IGF2R: variants seen among roughly 807,000 people sequenced by gnomAD.
IGF2R encodes the protein insulin like growth factor 2 receptor.
A neutral mutation model predicts 270.6 loss-of-function variants in IGF2R; 91 were observed. The observed-to-expected ratio is 0.34, with a 90% CI of 0.28 to 0.40. The LOEUF is 0.40. Among genes scored for constraint, IGF2R ranks in the 10% least tolerant of loss-of-function variants. The pLI, the probability that IGF2R is intolerant of heterozygous loss-of-function variation, is 1.00. For missense variants in IGF2R, 2,805 were observed against 3,188.3 expected (o/e 0.88, Z 2.90); for synonymous variants, 1,316 against 1,258.9 (o/e 1.05, Z -0.96).
Position 160,084,989 on chromosome 6 carries a change from T to G in IGF2R, c.6069-6T>G. Reference sequence around the variant, plus strand: ...CTTTTACCTGCCCCTTTGTGTCGTTTTCTAGGTACTATATAAATCTGTGCC... The same window carrying G: ...CTTTTACCTGCCCCTTTGTGTCGTTGTCTAGGTACTATATAAATCTGTGCC... On this transcript the variant is annotated splice_polypyrimidine_tract_variant and splice_region_variant and intron_variant, in intron 40 of 47. Coordinates refer to ENST00000356956, the MANE Select transcript of IGF2R (RefSeq NM_000876.4). This position sits in a 1 kb window ranked among gnomAD's most constrained non-coding sequence, Gnocchi z 4.6. 1 of 1,609,824 alleles carries G rather than the reference T, an allele frequency of 6.2e-7. No homozygotes were observed. Among genetic ancestry groups the G allele is most frequent in the Non-Finnish European group, 8.5e-7 (1 of 1,176,474 alleles).
chr6:160,095,327 T>G (rs576402356), intron 44 of IGF2R: 53 of 152,676 alleles, frequency 3.5e-4, no homozygotes, highest in African/African-American at 1.3e-3. Context: ...TGCTGCATGG[T>G]TTATGCCTCA....
At chr6:159,994,818 A>T (rs187462613) in intron 2 of IGF2R, among the ~76,000 whole-genome samples, 1 of 152,238 alleles carries the variant, frequency 6.6e-6, no homozygotes, top group African/African-American at 2.4e-5. Context: ...AGTTGATATG[A>T]TTTCAGTTTT....
At chr6:160,071,829 G>A in intron 31 of IGF2R, 81 bp from the exon 32 acceptor site, 2 of 1,549,342 alleles carry the variant, frequency 1.3e-6, no homozygotes, top group Non-Finnish European at 1.8e-6. Context: ...TTTCAGAGAA[G>A]CTTCCACTTG....
chr6:160,044,788 T>C lies in IGF2R; in HGVS notation c.1765+131T>C, dbSNP rs899768301. 3 of 737,370 alleles carry C rather than the reference T, an allele frequency of 4.1e-6. No individual in the cohort carries two copies. In the African/African-American group the frequency reaches 5.5e-5, roughly 13 times the overall value. 45.7% of individuals were successfully genotyped at this position (737,370 alleles called of 1,614,324 possible). A position where few individuals can be genotyped will look rare whatever the true frequency, so the allele number is the denominator to read the frequency against. On this transcript the variant is annotated intron_variant, in intron 13 of 47. Coordinates refer to ENST00000356956, the MANE Select transcript of IGF2R (RefSeq NM_000876.4). The stretch of plus-strand genomic sequence containing the variant: ...TGGCATGGTGTTCAGCATTTTGAGT[T>C]CCAGACTCTGGCGATGGGAGATAGG...
chr6:160,027,081 T>A, intron 5 of IGF2R, 104 bp from the exon 6 acceptor site: 1 of 1,298,026 alleles, frequency 7.7e-7, no homozygotes, highest in Non-Finnish European at 1.1e-6. Context: ...TTAGGGAGAC[T>A]TTTAGGAATT....
At chr6:160,045,240 G>A (rs781102162) in intron 13 of IGF2R, among the ~76,000 whole-genome samples, 37 of 152,098 alleles carry the variant, frequency 2.4e-4, no homozygotes, top group Admixed American at 1.5e-3. Flanking sequence ...TTAATAGCGC[G>A]TTTCCAGTGT....
intron 1 of IGF2R, among the ~76,000 whole-genome samples, chr6:159,987,522 G>A (rs1255657471): frequency 6.6e-6 from 1 of 152,172 alleles, no homozygotes; most frequent in Non-Finnish European, 1.5e-5. Context: ...CTCCCTAGTA[G>A]CTGGGACTAT....
intron 10 of IGF2R, among the ~76,000 whole-genome samples, chr6:160,036,869 C>G (rs537382218): frequency 8.5e-5 from 13 of 152,150 alleles, no homozygotes; most frequent in Non-Finnish European, 1.6e-4. Context: ...CCCAGCTGCC[C>G]TAGTTTTTAG....
Position 160,012,770 on chromosome 6 carries a change from T to A in IGF2R, c.513+1985T>A, listed in dbSNP as rs1158596934. ...TTATATATATATATATATATTTTTT[T>A]TTTTTTTTGTTTGTTTGTTTGTTTA... On this transcript the variant is annotated intron_variant, in intron 4 of 47. Coordinates refer to ENST00000356956, the MANE Select transcript of IGF2R (RefSeq NM_000876.4). Among the ~76,000 whole-genome samples the A allele has an allele frequency of 3.4e-3, 270 of 79,858 alleles. 3 individuals carry two copies. The highest frequency in any genetic ancestry group is 9.9e-3 in the African/African-American group (225 of 22,714). The allele number at this position is 79,858 out of a possible 152,430, so 52.4% of individuals were successfully genotyped here. A position where few individuals can be genotyped will look rare whatever the true frequency, so the allele number is the denominator to read the frequency against.
chr6:160,068,066 GTGT>G lies in IGF2R; in HGVS notation c.4116-182_4116-180del, dbSNP rs1203377874. Among the ~76,000 whole-genome samples, 99 of 39,178 alleles carry G rather than the reference GTGT, an allele frequency of 2.5e-3. 1 individual carries two copies. Among genetic ancestry groups the G allele is most frequent in the African/African-American group, 7.4e-3 (97 of 13,174 alleles). The allele number at this position is 39,178 out of a possible 152,430, so 25.7% of individuals were successfully genotyped here. A position where few individuals can be genotyped will look rare whatever the true frequency, so the allele number is the denominator to read the frequency against. On this transcript the variant is annotated intron_variant, in intron 29 of 47. Coordinates refer to ENST00000356956, the MANE Select transcript of IGF2R (RefSeq NM_000876.4). The stretch of plus-strand genomic sequence containing the variant: ...ATGTTGTTGCTGATTCTGATGGGGG[GTGT>G]GTGTGTGTGTGTGTGTGTGTGTGTG...
rs1040094050 is a variant in IGF2R, at chr6:160,053,395, C to G, written c.2694+2743C>G. Among the ~76,000 whole-genome samples the G allele has an allele frequency of 2.0e-5, 3 of 151,758 alleles. No homozygotes were observed. In the East Asian group the frequency reaches 5.8e-4, roughly 29 times the overall value. On this transcript the variant is annotated intron_variant, in intron 19 of 47. Transcript: ENST00000356956. ...AACCTGCATGTTGTGCACATGTACC[C>G]TAGAACTTAACATATAATAAAAAAA... is the stretch of plus-strand genomic sequence containing the variant.
Position 160,004,819 on chromosome 6 carries a change from G to A in IGF2R, c.290-4191G>A, listed in dbSNP as rs1784189941. Reference sequence around the variant, plus strand: ...TGGACCCGCCTGCCTGTGCACCAGGGAAAGCCAAACACCAAAGCGCAGGGT... The same window carrying A: ...TGGACCCGCCTGCCTGTGCACCAGGAAAAGCCAAACACCAAAGCGCAGGGT... On this transcript the variant is annotated intron_variant, in intron 2 of 47. Coordinates refer to ENST00000356956, the MANE Select transcript of IGF2R (RefSeq NM_000876.4). The surrounding 1 kb of genome is among the most constrained non-coding windows in gnomAD (Gnocchi z 5.2). 1 of 152,508 alleles carries A rather than the reference G, an allele frequency of 6.6e-6. No individual in the cohort carries two copies. 9.4% of individuals were successfully genotyped at this position (152,508 alleles called of 1,614,324 possible).
At chr6:160,086,548 G>A (rs955576858) in intron 41 of IGF2R, among the ~76,000 whole-genome samples, 15 of 152,044 alleles carry the variant, frequency 9.9e-5, no homozygotes, top group South Asian at 2.1e-4. Context: ...CCCCTGAGCC[G>A]AGGAGGTTGA....
In IGF2R at chr6:160,106,929, C is replaced by T. The variant is rs2114749393; in HGVS notation, c.*1845C>T. 6.6e-6 allele frequency: 1 copy of T among 152,228 alleles called. No homozygotes were observed. The highest frequency in any genetic ancestry group is 3.4e-3 in the Middle Eastern group (1 of 294). 9.4% of individuals were successfully genotyped at this position (152,228 alleles called of 1,614,324 possible). A position where few individuals can be genotyped will look rare whatever the true frequency, so the allele number is the denominator to read the frequency against. On this transcript the variant is annotated 3_prime_UTR_variant, in exon 48 of 48. Coordinates refer to ENST00000356956, the MANE Select transcript of IGF2R (RefSeq NM_000876.4). ...TCTTGAGTAAACTCACTGAGTTTTC[C>T]ATCTTAAATTACTCAGCAGTGACTG...
chr6:160,094,707 GC>G (rs2114735878), intron 44 of IGF2R: 1 of 152,370 alleles, frequency 6.6e-6, no homozygotes, highest in South Asian at 2.1e-4. Context: ...GACCATCCTG[GC>G]TAACACGGTG....
chr6:159,969,359 C>T lies in IGF2R; in HGVS notation c.113C>T (p.Thr38Met), dbSNP rs945432521. ...LLLLVAAPGS[T>M]QAQAAPFPEL... ...CTGCTCGTCGCTGCCCCGGGGTCCACGCAGGCCCAGGCCGCCCCGTTCCCC... is the reference window on the plus strand; with the variant it reads ...CTGCTCGTCGCTGCCCCGGGGTCCATGCAGGCCCAGGCCGCCCCGTTCCCC... Residue 38 changes from threonine (T) to methionine (M), a missense_variant, in exon 1 of 48, where the codon ACG becomes ATG. By Grantham distance (81) the Thr-to-Met change is moderately conservative (BLOSUM62 -1). Around this residue, in one of 2 missense-constraint regions of IGF2R, gnomAD observed 954 missense variants for 981.1 expected, o/e 0.97. Coordinates refer to ENST00000356956, the MANE Select transcript of IGF2R (RefSeq NM_000876.4). The T allele has an allele frequency of 3.1e-6, 4 of 1,309,916 alleles. No homozygotes were observed. The highest frequency in any genetic ancestry group is 3.9e-6 in the Non-Finnish European group (4 of 1,026,976). 81.1% of individuals were successfully genotyped at this position (1,309,916 alleles called of 1,614,324 possible). A position where few individuals can be genotyped will look rare whatever the true frequency, so the allele number is the denominator to read the frequency against.
intron 36 of IGF2R, 51 bp from the exon 37 acceptor site, chr6:160,078,146 GCTAT>G: frequency 6.3e-7 from 1 of 1,579,014 alleles, no homozygotes; most frequent in Non-Finnish European, 8.7e-7. Context: ...GTGTGTCACT[GCTAT>G]CTATCCCTAT....
chr6:160,087,969 G>T, intron 41 of IGF2R, 64 bp from the exon 42 acceptor site: 1 of 1,041,692 alleles, frequency 9.6e-7, no homozygotes, highest in Non-Finnish European at 1.5e-6. Flanking sequence ...GAGCCACTGC[G>T]CCTGCCTGAG....
In IGF2R at chr6:160,044,516, A is replaced by G; in HGVS notation, c.1624A>G (p.Lys542Glu). ...TTTTCTCCCCCTTTCTCTTCCAGAT[A>G]AAAATGGAAGTAAAAATCTGGGAAA... Reference protein sequence around the residue: ...PEDAAVCAVDKNGSKNLGKFI... With the variant: ...PEDAAVCAVDENGSKNLGKFI... Residue 542 changes from lysine (K) to glutamate (E), a missense_variant and splice_region_variant, in exon 13 of 48, where the codon AAA becomes GAA. Lys to Glu is a moderately conservative substitution (Grantham distance 56). Coordinates refer to ENST00000356956, the MANE Select transcript of IGF2R (RefSeq NM_000876.4). 6.2e-7 allele frequency: 1 copy of G among 1,600,756 alleles called. No homozygotes were observed. The highest frequency in any genetic ancestry group is 8.5e-7 in the Non-Finnish European group (1 of 1,170,692).
Sources: allele counts gnomAD v4.1 joint callset (sites outside exome capture counted in the v4.1 genomes callset), GRCh38; gene constraint gnomAD v4.1.1; regional missense constraint gnomAD v4.1.1; non-coding constraint Gnocchi (gnomAD v3.1); transcripts MANE v1.5; gene names NCBI Gene and HGNC (gene_info 2026-07-23, HGNC 2026-07-21).